The following CDH13 variants were observed in gnomAD, a reference collection of about 807,000 sequenced individuals.
CDH13 encodes the protein cadherin-13.
A neutral mutation model predicts 63.8 loss-of-function variants in CDH13; 24 were observed. That is an observed-to-expected ratio of 0.38 (90% CI 0.27 to 0.53). CDH13 has a LOEUF of 0.53. CDH13 is among the 20% of genes least tolerant of loss of function. CDH13 has a pLI of 0.85. For synonymous variants in CDH13, 503 were observed against 355.3 expected (o/e 1.42, Z -4.67); for missense variants, 1,049 against 903.1 (o/e 1.16, Z -2.07).
chr16:83,111,369 TC>T (rs1418415392), intron 3 of CDH13, among the ~76,000 whole-genome samples: 4 of 151,942 alleles, frequency 2.6e-5, no homozygotes, highest in African/African-American at 9.7e-5. Context: ...AAGTAGAGAG[TC>T]AGGGAAGACT....
chr16:82,980,731 G>C (rs1910150637), intron 2 of CDH13, among the ~76,000 whole-genome samples: 1 of 152,190 alleles, frequency 6.6e-6, no homozygotes, highest in Admixed American at 6.5e-5. Flanking sequence ...ACTGTGAACT[G>C]TATCCTTTTG....
intron 2 of CDH13, among the ~76,000 whole-genome samples, chr16:82,892,679 C>T (rs1221979228): frequency 1.3e-5 from 2 of 152,094 alleles, no homozygotes; most frequent in Non-Finnish European, 2.9e-5. Context: ...TGTCATTTAG[C>T]ATTTAATTAA....
At chr16:82,785,305 G>C (rs1453365789) in intron 1 of CDH13, among the ~76,000 whole-genome samples, 1 of 152,186 alleles carries the variant, frequency 6.6e-6, no homozygotes, top group Non-Finnish European at 1.5e-5. Context: ...ATTTGAAAGA[G>C]AGACAACTAA....
chr16:83,377,735 C>T (rs577896591), intron 6 of CDH13, among the ~76,000 whole-genome samples: 28 of 152,240 alleles, frequency 1.8e-4, no homozygotes, highest in African/African-American at 6.3e-4. Context: ...GAACTGTAAC[C>T]AGAAACCCAT....
intron 2 of CDH13, among the ~76,000 whole-genome samples, chr16:82,946,230 G>A (rs1904701128): frequency 2.0e-5 from 3 of 151,894 alleles, no homozygotes; most frequent in African/African-American, 4.8e-5. Context: ...ATGGAGGGAG[G>A]GAGGGAGGAA....
At chr16:83,699,638 TGTATGTGCACACGCACATACAC>T (rs1905912757) in intron 10 of CDH13, among the ~76,000 whole-genome samples, 1 of 151,998 alleles carries the variant, frequency 6.6e-6, no homozygotes, top group African/African-American at 2.4e-5. Flanking sequence ...CACACACACG[TGTATGTGCACACGCACATACAC>T]ACACACTCAC....
chr16:83,423,582 C>G (rs953409741), intron 6 of CDH13, among the ~76,000 whole-genome samples: 1 of 152,066 alleles, frequency 6.6e-6, no homozygotes, highest in Non-Finnish European at 1.5e-5. Context: ...TTTCAGGTTT[C>G]CTATTATTAC....
At chr16:82,959,656 A>C (rs1222067898) in intron 2 of CDH13, among the ~76,000 whole-genome samples, 2 of 152,232 alleles carry the variant, frequency 1.3e-5, no homozygotes, top group African/African-American at 2.4e-5. Context: ...GTAAGTGAGA[A>C]GACTCTTTTT....
At chr16:82,871,043 C>T (rs2040326756) in intron 2 of CDH13, among the ~76,000 whole-genome samples, 1 of 152,186 alleles carries the variant, frequency 6.6e-6, no homozygotes, top group Admixed American at 6.5e-5. Flanking sequence ...AATGATGTTC[C>T]ATAGAAGACA....
At chr16:83,281,866 T>C (rs2089185958) in intron 5 of CDH13, among the ~76,000 whole-genome samples, 1 of 152,030 alleles carries the variant, frequency 6.6e-6, no homozygotes, top group East Asian at 1.9e-4. Flanking sequence ...TGAGCCGAGA[T>C]TGCACCACTG....
At chr16:83,508,100 G>GGAAGGAAGGAAGGAAGT (rs1567722270) in intron 7 of CDH13, among the ~76,000 whole-genome samples, 1 of 59,604 alleles carries the variant, frequency 1.7e-5, no homozygotes, top group African/African-American at 6.3e-5. Context: ...AGGAAGGAAA[G>GGAAGGAAGGAAGGAAGT]AAGGAAGGAA....
At chr16:83,303,196 C>G (rs978594262) in intron 5 of CDH13, among the ~76,000 whole-genome samples, 3 of 152,206 alleles carry the variant, frequency 2.0e-5, no homozygotes, top group African/African-American at 7.2e-5. Flanking sequence ...TTCCCCTTCA[C>G]CTTCCGAAGG....
At chr16:82,684,493 C>T (rs1484173508) in intron 1 of CDH13, among the ~76,000 whole-genome samples, 4 of 152,072 alleles carry the variant, frequency 2.6e-5, no homozygotes, top group Admixed American at 6.6e-5. Flanking sequence ...TGATGTCTGC[C>T]ATGTGCACGG....
chr16:83,537,450 G>A (rs1358037588), intron 7 of CDH13, among the ~76,000 whole-genome samples: 1 of 152,130 alleles, frequency 6.6e-6, no homozygotes, highest in Non-Finnish European at 1.5e-5. Flanking sequence ...AATATATAAT[G>A]TATTTGAATT....
At chr16:83,783,190 A>C in intron 12 of CDH13, 64 bp from the exon 13 acceptor site, 2 of 1,128,854 alleles carry the variant, frequency 1.8e-6, no homozygotes, top group Non-Finnish European at 2.6e-6. Flanking sequence ...TCATCACCAA[A>C]ACCTCACTCT....
At chr16:83,585,736 A>G (rs914943246) in intron 7 of CDH13, among the ~76,000 whole-genome samples, 18 of 151,510 alleles carry the variant, frequency 1.2e-4, no homozygotes, top group African/African-American at 4.1e-4. Flanking sequence ...CAACCTACCA[A>G]AAAAAAAACT....
In CDH13 at chr16:83,620,308, T is replaced by G. The variant is rs549617405; in HGVS notation, c.1101+17714T>G. ...TGGGAGGCTGAGGCAGGAGAATTGTTTGAACCCAGGAGGCGGAGGTTGCAA... is the reference window on the plus strand; with the variant it reads ...TGGGAGGCTGAGGCAGGAGAATTGTGTGAACCCAGGAGGCGGAGGTTGCAA... On this transcript the variant is annotated intron_variant, in intron 8 of 13. Coordinates refer to ENST00000567109, the MANE Select transcript of CDH13 (RefSeq NM_001257.5). Among the ~76,000 whole-genome samples the G allele has an allele frequency of 1.5e-4, 22 of 151,132 alleles. No individual in the cohort carries two copies. In the East Asian group the frequency reaches 4.4e-3, roughly 30 times the overall value.
At chr16:82,749,044 T>A (rs200370802) in intron 1 of CDH13, among the ~76,000 whole-genome samples, 2 of 152,068 alleles carry the variant, frequency 1.3e-5, no homozygotes, top group East Asian at 1.9e-4. Context: ...CTCACTCCCC[T>A]GAAATATGAG....
chr16:83,073,309 T>C (rs2032574715), intron 3 of CDH13, among the ~76,000 whole-genome samples: 1 of 148,356 alleles, frequency 6.7e-6, no homozygotes, highest in African/African-American at 2.5e-5. Context: ...GCTCTCTCTT[T>C]GGGGTGTGTG....
Sources: allele counts gnomAD v4.1 joint callset (sites outside exome capture counted in the v4.1 genomes callset), GRCh38; gene constraint gnomAD v4.1.1; transcripts MANE v1.5; gene names NCBI Gene and HGNC (gene_info 2026-07-23, HGNC 2026-07-21).